Variants in SELENOO observed in about 807,000 individuals in gnomAD.
SELENOO encodes protein adenylyltransferase SelO, mitochondrial.
SELENOO carries 74 observed loss-of-function variants against 58.7 expected under a neutral mutation model. The ratio of observed to expected loss-of-function variants is 1.26; its 90% CI spans 1.04 to 1.53. The LOEUF (loss-of-function observed/expected upper bound fraction) is 1.53, where lower values mean the gene tolerates loss of function less well. Among genes scored for constraint, SELENOO ranks in the 40% most tolerant of loss-of-function variants. The pLI, the probability that SELENOO is intolerant of heterozygous loss-of-function variation, is 0.00. For missense variants in SELENOO, 1,149 were observed against 970.0 expected, an observed-to-expected ratio of 1.18 and a Z score of -2.45; for synonymous variants, 543 against 453.2, an observed-to-expected ratio of 1.20 and a Z score of -2.52.
At position 50,217,251 on chromosome 22, in the gene SELENOO, C is replaced by T. The variant is rs755904992; in HGVS notation, c.1892C>T (p.Ala631Val). 33 of 1,611,106 alleles carry T rather than the reference C, an allele frequency of 2.0e-5. No homozygotes were observed. The highest frequency in any genetic ancestry group is 6.7e-5 in the East Asian group (3 of 44,866). ...CTGGAGACCCCTTACCACTGCGAGG[C>T]GGGGGCCGCCACAGACGCCGAGGCC... ...KLLETPYHCE[A>V]GAATDAEATE... Residue 631 changes from alanine to valine, a missense_variant, in exon 9 of 9, where the codon GCG (alanine) becomes GTG (valine). By Grantham distance (64) the Ala-to-Val change is moderately conservative. Coordinates refer to ENST00000380903, the MANE Select transcript of SELENOO (RefSeq NM_031454.2).
intron 1 of SELENOO, among the ~76,000 whole-genome samples, chr22:50,203,974 G>A (rs1453473957): frequency 6.6e-6 from 1 of 152,070 alleles, no homozygotes; most frequent in Admixed American, 6.5e-5. Flanking sequence ...AATATACAGA[G>A]AACTCTCAAA....
At chr22:50,213,386 C>T (rs2064385211) in intron 5 of SELENOO, among the ~76,000 whole-genome samples, 2 of 152,218 alleles carry the variant, frequency 1.3e-5, no homozygotes, top group South Asian at 2.1e-4. Flanking sequence ...TGATTTCTAG[C>T]TTCATTCCAT....
intron 3 of SELENOO, chr22:50,209,593 G>C (rs565754283): frequency 3.9e-5 from 6 of 152,778 alleles, no homozygotes; most frequent in African/African-American, 1.4e-4. Flanking sequence ...TCTTCTGCCA[G>C]TGACGCAGGG....
In SELENOO at chr22:50,217,450, C is replaced by G. The variant is rs2064430985; in HGVS notation, c.*81C>G. The stretch of plus-strand genomic sequence containing the variant: ...AGTGGCCAAGATGATGCCAGGCTGC[C>G]CTATACACTGGGGGATTCTGCCCTG... On this transcript the variant is annotated 3_prime_UTR_variant, in exon 9 of 9. Coordinates refer to ENST00000380903, the MANE Select transcript of SELENOO (RefSeq NM_031454.2). 2 of 1,509,794 alleles carry G rather than the reference C, an allele frequency of 1.3e-6. No homozygotes were observed. Among genetic ancestry groups the G allele is most frequent in the African/African-American group, 2.8e-5 (2 of 71,338 alleles). The allele number at this position is 1,509,794 out of a possible 1,614,324, so 93.5% of individuals were successfully genotyped here. A position where few individuals can be genotyped will look rare whatever the true frequency, so the allele number is the denominator to read the frequency against.
intron 5 of SELENOO, among the ~76,000 whole-genome samples, chr22:50,211,458 C>A (rs983359584): frequency 1.3e-5 from 2 of 152,194 alleles, no homozygotes; most frequent in Admixed American, 6.5e-5. Flanking sequence ...GATGGGCATT[C>A]TTTTCTTGTT....
rs41283485 is a variant in SELENOO, at chr22:50,207,612, C to T, written c.759-924C>T. On this transcript the variant is annotated intron_variant, in intron 2 of 8. Coordinates refer to ENST00000380903, the MANE Select transcript of SELENOO (RefSeq NM_031454.2). Reference sequence around the variant, plus strand: ...GGGGGATGGGAAAGATCTGGGGCCACGACTTCCTCTGAGGCCCCGCCCAGC... The same window carrying T: ...GGGGGATGGGAAAGATCTGGGGCCATGACTTCCTCTGAGGCCCCGCCCAGC... Among the ~76,000 whole-genome samples the T allele has an allele frequency of 1.7e-3, 264 of 150,910 alleles. 2 individuals are homozygous for T. Among genetic ancestry groups the T allele is most frequent in the Non-Finnish European group, 1.0e-3 (68 of 67,784 alleles).
intron 1 of SELENOO, among the ~76,000 whole-genome samples, chr22:50,203,106 G>T (rs549735403): frequency 1.5e-3 from 230 of 152,318 alleles, no homozygotes; most frequent in African/African-American, 5.4e-3. Flanking sequence ...AGGTGCAGTG[G>T]CTCACTCCTG....
chr22:50,217,112 G>A lies in SELENOO; in HGVS notation c.1829G>A (p.Arg610His), dbSNP rs201964940. ...CAGAATGCCATCGAGGCTGCCGAGC[G>A]CGGGGACTTCTCAGAGGCAAGCACA... ...IAQNAIEAAE[R>H]GDFSEVRRVL... Residue 610 changes from arginine to histidine, a missense_variant, in exon 8 of 9, where the codon CGC (arginine) becomes CAC (histidine). By Grantham distance (29) the Arg-to-His change is conservative. Coordinates refer to ENST00000380903, the MANE Select transcript of SELENOO (RefSeq NM_031454.2). 257 of 1,612,948 alleles carry A rather than the reference G, an allele frequency of 1.6e-4. No individual in the cohort carries two copies. The African/African-American group carries it at 1.8e-3, about 11-fold the overall frequency.
chr22:50,203,742 A>C (rs2064316000), intron 1 of SELENOO, among the ~76,000 whole-genome samples: 1 of 152,242 alleles, frequency 6.6e-6, no homozygotes, highest in Non-Finnish European at 1.5e-5. Context: ...ATAAGAGCTA[A>C]AACTCCTAGA....
At chr22:50,210,077 C>CA (rs2064357527) in intron 3 of SELENOO, 104 bp from the exon 4 acceptor site, 2 of 1,374,588 alleles carry the variant, frequency 1.5e-6, no homozygotes, top group Non-Finnish European at 2.0e-6. Context: ...GAGTGAGAGC[C>CA]ACTCAGCGAA....
chr22:50,214,538 G>A (rs539894030), intron 5 of SELENOO, among the ~76,000 whole-genome samples: 4 of 152,338 alleles, frequency 2.6e-5, no homozygotes, highest in African/African-American at 7.2e-5. Context: ...GAGAGGCGGA[G>A]GTTGCAGTGA....
chr22:50,210,823 G>A lies in SELENOO; in HGVS notation c.1263G>A (p.Lys421=). Residue 421 remains lysine (K), a synonymous_variant, in exon 5 of 9, where the codon AAG becomes AAA. Coordinates refer to ENST00000380903, the MANE Select transcript of SELENOO (RefSeq NM_031454.2). The part of the protein sequence containing the change: ...DAEFQRHYLQ[K]MRRKLGLVQV... The stretch of plus-strand genomic sequence containing the variant: ...AGTTCCAAAGGCACTACCTGCAGAA[G>A]ATGCGCAGGAAGCTGGGCCTCGTGC... The A allele has an allele frequency of 6.2e-7, 1 of 1,614,138 alleles. No homozygotes were observed. The highest frequency in any genetic ancestry group is 8.5e-7 in the Non-Finnish European group (1 of 1,180,042).
At chr22:50,213,402 CTA>C (rs2064385374) in intron 5 of SELENOO, among the ~76,000 whole-genome samples, 1 of 152,124 alleles carries the variant, frequency 6.6e-6, no homozygotes, top group Admixed American at 6.5e-5. Flanking sequence ...TCCATTGTGA[CTA>C]GAGATGTCAG....
rs889092420 is a variant in SELENOO, at chr22:50,217,047, C to A, written c.1764C>A (p.His588Gln). ...AWQAEHVRVMHANNPKYVLRN... is the reference protein window; with the variant it reads ...AWQAEHVRVMQANNPKYVLRN... ...AGGCTGAGCACGTGCGCGTGATGCA[C>A]GCCAACAACCCGAAGTACGTGCTGA... Residue 588 changes from histidine to glutamine, a missense_variant, in exon 8 of 9, where the codon CAC becomes CAA. Coordinates refer to ENST00000380903, the MANE Select transcript of SELENOO (RefSeq NM_031454.2). The A allele has an allele frequency of 6.2e-7, 1 of 1,612,398 alleles. No homozygotes were observed. Among genetic ancestry groups the A allele is most frequent in the Admixed American group, 1.7e-5 (1 of 60,004 alleles).
At chr22:50,203,453 A>G (rs1402532715) in intron 1 of SELENOO, among the ~76,000 whole-genome samples, 2 of 152,354 alleles carry the variant, frequency 1.3e-5, no homozygotes, top group African/African-American at 2.4e-5. Flanking sequence ...TGGAGGACTC[A>G]TGCTTCCTGA....
intron 3 of SELENOO, 47 bp downstream of exon 3, chr22:50,208,763 T>C (rs764410031): frequency 1.9e-6 from 3 of 1,564,546 alleles, no homozygotes; most frequent in Non-Finnish European, 2.6e-6. Flanking sequence ...ATGCTGGGTG[T>C]CCCCACCTGT....
At chr22:50,203,232 C>G (rs2064313979) in intron 1 of SELENOO, among the ~76,000 whole-genome samples, 1 of 152,080 alleles carries the variant, frequency 6.6e-6, no homozygotes, top group East Asian at 1.9e-4. Context: ...TTTTTATTAG[C>G]TGGGCATGGT....
rs201127595 is a variant in SELENOO at position 50,210,744 on chromosome 22, C to T, written c.1184C>T (p.Pro395Leu). 107 of 1,613,526 alleles carry T rather than the reference C, an allele frequency of 6.6e-5. 1 individual carries two copies. The highest frequency in any genetic ancestry group is 1.7e-4 in the Admixed American group (10 of 60,004). ...CGGAAGCTGGCCGAGGCCCTGCAGC[C>T]GGAACTGCCCCTGGAGCTGGGGGAG... The part of the protein sequence containing the change: ...NLRKLAEALQ[P>L]ELPLELGEAI... The change falls in exon 5 of 9, where the codon CCG becomes CTG. Residue 395 changes from proline to leucine, a missense_variant. Physicochemically the swap from Pro to Leu is moderately conservative, Grantham distance 98. Transcript: ENST00000380903.
chr22:50,211,000 GCA>G, intron 5 of SELENOO, 89 bp downstream of exon 5: 2 of 1,427,310 alleles, frequency 1.4e-6, no homozygotes, highest in Admixed American at 3.5e-5. Flanking sequence ...GGTTCCAAGT[GCA>G]CAGTCACTCC....
Sources: gnomAD v4.1 joint callset for allele counts (sites outside exome capture counted in the v4.1 genomes callset) on GRCh38, gnomAD v4.1.1 for gene constraint, MANE v1.5 for transcripts, NCBI Gene and HGNC (gene_info 2026-07-23, HGNC 2026-07-21) for gene names.